TRPM3: variants seen among roughly 807,000 people sequenced by gnomAD.
TRPM3 encodes the protein long transient receptor potential channel 3.
A neutral mutation model predicts 181.2 loss-of-function variants in TRPM3; 77 were observed. The ratio of observed to expected loss-of-function variants is 0.42; its 90% confidence interval spans 0.35 to 0.51. TRPM3 has a LOEUF of 0.51. Ranked by LOEUF, TRPM3 falls within the 20% of genes least tolerant of loss-of-function variation. TRPM3 has a pLI of 0.01. For missense variants in TRPM3, 1,759 were observed against 2,196.7 expected (o/e 0.80, Z 3.98); for synonymous variants, 745 against 796.4 (o/e 0.94, Z 1.09).
intron 1 of TRPM3, among the ~76,000 whole-genome samples, chr9:71,367,279 A>C (rs1343532008): frequency 6.6e-6 from 1 of 152,178 alleles, no homozygotes; most frequent in Non-Finnish European, 1.5e-5. Flanking sequence ...AGAGAGACCA[A>C]AAGTATTTTG....
chr9:70,741,608 G>T (rs773895534), intron 8 of TRPM3, among the ~76,000 whole-genome samples: 44 of 152,108 alleles, frequency 2.9e-4, no homozygotes, highest in Non-Finnish European at 5.6e-4. Flanking sequence ...AGAAATCGTG[G>T]TATATGTATA....
chr9:70,864,993 C>T (rs1270470222), intron 1 of TRPM3, among the ~76,000 whole-genome samples: 1 of 147,376 alleles, frequency 6.8e-6, no homozygotes, highest in Non-Finnish European at 1.5e-5. Flanking sequence ...ACTCAAAAGC[C>T]CTAATGTATC....
intron 1 of TRPM3, among the ~76,000 whole-genome samples, chr9:71,413,452 G>A (rs1253405851): frequency 6.6e-6 from 1 of 151,950 alleles, no homozygotes; most frequent in East Asian, 1.9e-4. Flanking sequence ...AGTAACTAAT[G>A]GCAATAGGAT....
chr9:71,192,208 T>C (rs929883502), intron 1 of TRPM3, among the ~76,000 whole-genome samples: 1 of 151,812 alleles, frequency 6.6e-6, no homozygotes, highest in African/African-American at 2.4e-5. Context: ...ATCTAGGCTT[T>C]TGAAGAGGGG....
chr9:70,999,631 C>T lies in TRPM3; in HGVS notation c.177+121547G>A, dbSNP rs563981931. Among the ~76,000 whole-genome samples the T allele has an allele frequency of 8.5e-5, 13 of 152,318 alleles. No individual in the cohort carries two copies. The South Asian group carries it at 1.2e-3, about 15-fold the overall frequency. ...TGCATAGTGTCATGGAGCTGGCATA[C>T]TTTAATTGCCATTATTTTTGGCAAG... On this transcript the variant is annotated intron_variant, in intron 1 of 25. Transcript: ENST00000677713.
Position 70,856,370 on chromosome 9 carries a change from TG to T in TRPM3, c.462+6537del, listed in dbSNP as rs370114848. Among the ~76,000 whole-genome samples the T allele has an allele frequency of 2.6e-3, 396 of 152,334 alleles. 3 individuals carry two copies. Among genetic ancestry groups the T allele is most frequent in the African/African-American group, 9.0e-3 (376 of 41,584 alleles). ...AAACCTCTCAAAACCTTACCGTGTA[TG>T]TAAAGCTGCTTGGTTAGCCACAGCC... On this transcript the variant is annotated intron_variant, in intron 3 of 25. Coordinates refer to ENST00000677713, the MANE Select transcript of TRPM3 (RefSeq NM_001366145.2).
intron 1 of TRPM3, among the ~76,000 whole-genome samples, chr9:71,136,816 CAAGG>C (rs1282336142): frequency 6.6e-6 from 1 of 152,094 alleles, no homozygotes; most frequent in Non-Finnish European, 1.5e-5. Context: ...CTGGAAAAGG[CAAGG>C]AAGGAAGAAG....
At chr9:71,442,264 G>T (rs1446274947) in intron 1 of TRPM3, among the ~76,000 whole-genome samples, 1 of 152,220 alleles carries the variant, frequency 6.6e-6, no homozygotes, top group Non-Finnish European at 1.5e-5. Flanking sequence ...GGAAGCAAGA[G>T]TGCTGTCTAA....
intron 1 of TRPM3, among the ~76,000 whole-genome samples, chr9:71,427,104 C>G (rs1040547747): frequency 6.6e-6 from 1 of 152,100 alleles, no homozygotes; most frequent in African/African-American, 2.4e-5. Flanking sequence ...TTAATTATAC[C>G]TTAGAACAAT....
At position 70,640,601 on chromosome 9, in the gene TRPM3, T is replaced by A; in HGVS notation, c.1405A>T (p.Ile469Phe). 1 of 1,613,804 alleles carries A rather than the reference T, an allele frequency of 6.2e-7. No individual in the cohort carries two copies. Among genetic ancestry groups the A allele is most frequent in the Non-Finnish European group, 8.5e-7 (1 of 1,179,832 alleles). ...TAAATAAAGATCTGGCTGCGAGCGATGTCGACTCTGTTCCAGGCTAAAGCT... is the reference window on the plus strand; with the variant it reads ...TAAATAAAGATCTGGCTGCGAGCGAAGTCGACTCTGTTCCAGGCTAAAGCT... ...SLALAWNRVD[I>F]ARSQIFIYGQ... is the part of the protein sequence containing the mutation. Residue 469 changes from isoleucine to phenylalanine, a missense_variant, in exon 10 of 26, where the codon ATC becomes TTC. Physicochemically the swap from Ile to Phe is conservative, Grantham distance 21 (BLOSUM62 0). Around this residue, in one of 8 missense-constraint regions of TRPM3, gnomAD observed 737 missense variants for 957.4 expected, o/e 0.77. Coordinates refer to ENST00000677713, the MANE Select transcript of TRPM3 (RefSeq NM_001366145.2).
chr9:70,835,356 T>C (rs1203695036), intron 5 of TRPM3, among the ~76,000 whole-genome samples: 1 of 152,130 alleles, frequency 6.6e-6, no homozygotes, highest in Non-Finnish European at 1.5e-5. Flanking sequence ...AATGTATTAA[T>C]ATTATCATTA....
intron 1 of TRPM3, among the ~76,000 whole-genome samples, chr9:71,267,808 C>A (rs1159939939): frequency 6.6e-6 from 1 of 152,108 alleles, no homozygotes; most frequent in Non-Finnish European, 1.5e-5. Context: ...GCTAATAGTT[C>A]CAGTGGATAA....
At chr9:71,360,394 C>G (rs185439913) in intron 1 of TRPM3, among the ~76,000 whole-genome samples, 10 of 152,146 alleles carry the variant, frequency 6.6e-5, no homozygotes, top group African/African-American at 2.4e-4. Flanking sequence ...GAAAGCTAAA[C>G]AACAGATCAG....
At chr9:71,407,084 G>C (rs1011719680) in intron 1 of TRPM3, among the ~76,000 whole-genome samples, 1 of 152,036 alleles carries the variant, frequency 6.6e-6, no homozygotes, top group Non-Finnish European at 1.5e-5. Context: ...GCTCAGAATC[G>C]GAAAAATCAA....
rs117749362 is a variant in TRPM3 at position 71,087,238 on chromosome 9, G to A, written c.177+33940C>T. 2.7e-3 allele frequency among the ~76,000 whole-genome samples: 413 copies of A among 151,870 alleles called. 2 individuals carry two copies. The highest frequency in any genetic ancestry group is 4.1e-3 in the Non-Finnish European group (279 of 67,932). On this transcript the variant is annotated intron_variant, in intron 1 of 25. Coordinates refer to ENST00000677713, the MANE Select transcript of TRPM3 (RefSeq NM_001366145.2). The stretch of plus-strand genomic sequence containing the variant: ...ATCTATGCCCATAGAATAGCTTTTC[G>A]CCTTGCTACTTCTAGCCTTGTGTCC...
At chr9:71,104,020 T>C (rs1174919563) in intron 1 of TRPM3, among the ~76,000 whole-genome samples, 1 of 152,082 alleles carries the variant, frequency 6.6e-6, no homozygotes, top group African/African-American at 2.4e-5. Context: ...GTTCAAGCGA[T>C]TCTCCTGCCT....
At chr9:70,861,658 T>A (rs542275326) in intron 3 of TRPM3, among the ~76,000 whole-genome samples, 3 of 152,168 alleles carry the variant, frequency 2.0e-5, no homozygotes, top group African/African-American at 4.8e-5. Flanking sequence ...CTGTACTGAA[T>A]TGGGGACAGT....
chr9:70,553,638 T>C (rs1037370303), intron 22 of TRPM3, among the ~76,000 whole-genome samples: 4 of 152,134 alleles, frequency 2.6e-5, no homozygotes, highest in African/African-American at 9.7e-5. Context: ...GAAGCCTGAT[T>C]GAGAACTTTT....
At chr9:70,746,761 G>A (rs758105764) in intron 8 of TRPM3, among the ~76,000 whole-genome samples, 1 of 152,142 alleles carries the variant, frequency 6.6e-6, no homozygotes, top group East Asian at 1.9e-4. Flanking sequence ...CAGAACACAT[G>A]GGAATTATCA....
Sources: gnomAD v4.1 joint callset for allele counts (sites outside exome capture counted in the v4.1 genomes callset) on GRCh38, gnomAD v4.1.1 for gene constraint, gnomAD v4.1.1 regional missense constraint, MANE v1.5 for transcripts, NCBI Gene and HGNC (gene_info 2026-07-23, HGNC 2026-07-21) for gene names.